The following SOX5 variants were observed in gnomAD, a reference collection of about 807,000 sequenced individuals.
The protein encoded by SOX5 is SRY-box transcription factor 5.
SOX5 carries 9 observed loss-of-function variants against 92.0 expected under a neutral mutation model. That is an observed-to-expected ratio of 0.10 (90% CI 0.06 to 0.17). SOX5 has a LOEUF of 0.17. Among genes scored for constraint, SOX5 ranks in the 10% least tolerant of loss-of-function variants. The pLI is 1.00. For missense variants in SOX5, 642 were observed against 944.5 expected (o/e 0.68, Z 4.20); for synonymous variants, 344 against 336.3 (o/e 1.02, Z -0.25).
intron 6 of SOX5, among the ~76,000 whole-genome samples, chr12:23,721,321 G>A (rs1043129341): frequency 2.0e-5 from 3 of 152,060 alleles, no homozygotes; most frequent in Non-Finnish European, 4.4e-5. Flanking sequence ...CCGACCTTAG[G>A]TGATCCACCA....
intron 1 of SOX5, among the ~76,000 whole-genome samples, chr12:23,897,486 C>T (rs1431591643): frequency 6.6e-6 from 1 of 152,094 alleles, no homozygotes; most frequent in African/African-American, 2.4e-5. Context: ...ATATCTACCT[C>T]ATAAGGCTTT....
At chr12:23,918,206 A>AT (rs1410164376) in intron 1 of SOX5, among the ~76,000 whole-genome samples, 1 of 152,160 alleles carries the variant, frequency 6.6e-6, no homozygotes, top group Non-Finnish European at 1.5e-5. Flanking sequence ...CAACTGTAAT[A>AT]TTTTCCTTAA....
intron 4 of SOX5, among the ~76,000 whole-genome samples, chr12:24,193,986 A>T (rs1476849704): frequency 6.6e-6 from 1 of 152,184 alleles, no homozygotes; most frequent in African/African-American, 2.4e-5. Flanking sequence ...TTGGGCCCTC[A>T]TCCCTCTACT....
intron 1 of SOX5, among the ~76,000 whole-genome samples, chr12:24,533,353 C>T (rs1433598051): frequency 3.3e-5 from 5 of 152,128 alleles, no homozygotes; most frequent in African/African-American, 7.2e-5. Flanking sequence ...ACATACACAA[C>T]GTATTTCTGA....
At chr12:24,133,564 G>C (rs778787187) in intron 4 of SOX5, among the ~76,000 whole-genome samples, 19 of 152,216 alleles carry the variant, frequency 1.2e-4, no homozygotes, top group Middle Eastern at 3.4e-3. Context: ...CCTGGTGTGC[G>C]GCTCTTCAAA....
chr12:23,818,443 A>G (rs1394242027), intron 3 of SOX5, among the ~76,000 whole-genome samples: 1 of 152,166 alleles, frequency 6.6e-6, no homozygotes, highest in Middle Eastern at 3.2e-3. Context: ...TATATAGGGT[A>G]TTTACTATGA....
rs887604220 is a variant in SOX5, at chr12:23,530,845, G to A, written c.*3374C>T. ...CGCGCGCGCGCGCGCGCATGTGAGA[G>A]AGAGAGAGAAAGGGAAAGAGATAAA... On this transcript the variant is annotated 3_prime_UTR_variant, in exon 15 of 15. Coordinates refer to ENST00000451604, the MANE Select transcript of SOX5 (RefSeq NM_006940.6). 2 of 150,860 alleles carry A rather than the reference G, an allele frequency of 1.3e-5. No individual in the cohort carries two copies. The highest frequency in any genetic ancestry group is 4.8e-5 in the African/African-American group (2 of 41,240). The allele number at this position is 150,860 out of a possible 1,614,324, so 9.3% of individuals were successfully genotyped here.
At chr12:24,348,765 T>G (rs1278855623) in intron 2 of SOX5, among the ~76,000 whole-genome samples, 1 of 152,140 alleles carries the variant, frequency 6.6e-6, no homozygotes, top group East Asian at 1.9e-4. Flanking sequence ...TCCCCATGTG[T>G]CATGGGAGGG....
At chr12:23,923,000 C>T (rs1379578150) in intron 1 of SOX5, among the ~76,000 whole-genome samples, 1 of 151,098 alleles carries the variant, frequency 6.6e-6, no homozygotes, top group East Asian at 2.0e-4. Context: ...GGCTGGAGTG[C>T]AGTGGCGCCA....
intron 1 of SOX5, among the ~76,000 whole-genome samples, chr12:24,371,661 C>T (rs1003804823): frequency 1.4e-4 from 21 of 152,126 alleles, no homozygotes; most frequent in Non-Finnish European, 7.3e-5. Context: ...CTCTGAATAA[C>T]GAATACAAAA....
intron 9 of SOX5, among the ~76,000 whole-genome samples, chr12:23,584,933 T>C (rs1411372062): frequency 2.0e-5 from 3 of 152,028 alleles, no homozygotes; most frequent in Non-Finnish European, 4.4e-5. Context: ...TTTAAGACAA[T>C]TTTCATTTTT....
intron 3 of SOX5, among the ~76,000 whole-genome samples, chr12:23,838,612 AC>A (rs1436184816): frequency 1.3e-5 from 2 of 152,028 alleles, no homozygotes; most frequent in African/African-American, 4.8e-5. Flanking sequence ...GTCTTTATTT[AC>A]CAAGTCACTC....
intron 10 of SOX5, among the ~76,000 whole-genome samples, chr12:23,571,119 A>T (rs923888528): frequency 6.7e-5 from 10 of 148,792 alleles, no homozygotes; most frequent in Admixed American, 1.3e-4. Context: ...ACCACACTCC[A>T]GCCGGGACAA....
intron 1 of SOX5, among the ~76,000 whole-genome samples, chr12:23,925,023 A>T (rs1369330597): frequency 6.6e-6 from 1 of 152,116 alleles, no homozygotes; most frequent in Non-Finnish European, 1.5e-5. Context: ...TCAATAAAAA[A>T]AAAAGAAAAC....
At chr12:24,366,513 A>G (rs1198379608) in intron 2 of SOX5, among the ~76,000 whole-genome samples, 1 of 152,206 alleles carries the variant, frequency 6.6e-6, no homozygotes, top group Non-Finnish European at 1.5e-5. Context: ...CTGAAGCTGT[A>G]TTAGTGGAAA....
At chr12:23,998,088 C>T (rs916660491) in intron 4 of SOX5, among the ~76,000 whole-genome samples, 33 of 152,032 alleles carry the variant, frequency 2.2e-4, no homozygotes, top group African/African-American at 8.0e-4. Context: ...GAAAAATAAG[C>T]TAATAGAAAC....
intron 3 of SOX5, among the ~76,000 whole-genome samples, chr12:23,774,693 C>T (rs2095044150): frequency 6.6e-6 from 1 of 152,112 alleles, no homozygotes; most frequent in Admixed American, 6.5e-5. Flanking sequence ...CACATTCTAT[C>T]ACCCTAAGCA....
At chr12:24,406,747 A>G (rs1596347017) in intron 1 of SOX5, among the ~76,000 whole-genome samples, 2 of 152,122 alleles carry the variant, frequency 1.3e-5, no homozygotes, top group African/African-American at 4.8e-5. Context: ...AAAATCTAAG[A>G]ATGAACTTGT....
At chr12:23,867,232 G>C (rs2096824103) in intron 2 of SOX5, among the ~76,000 whole-genome samples, 1 of 151,978 alleles carries the variant, frequency 6.6e-6, no homozygotes, top group African/African-American at 2.4e-5. Flanking sequence ...AGTTCCATTA[G>C]TCCATTTTCC....
Sources: gnomAD v4.1 joint callset for allele counts (sites outside exome capture counted in the v4.1 genomes callset) on GRCh38, gnomAD v4.1.1 for gene constraint, MANE v1.5 for transcripts, NCBI Gene and HGNC (gene_info 2026-07-23, HGNC 2026-07-21) for gene names.